PELI2: variants seen among roughly 807,000 people sequenced by gnomAD.
PELI2 encodes pellino E3 ubiquitin protein ligase family member 2, also known as E3 ubiquitin-protein ligase pellino homolog 2.
PELI2 carries 23 observed loss-of-function variants against 42.3 expected under a neutral mutation model. The ratio of observed to expected loss-of-function variants is 0.54; its 90% confidence interval spans 0.39 to 0.77. PELI2 has a LOEUF of 0.77. PELI2 is among the 30% of genes least tolerant of loss of function. The pLI is 0.00. For synonymous variants in PELI2, 245 were observed against 212.2 expected, an observed-to-expected ratio of 1.15 and a Z score of -1.34; for missense variants, 463 against 553.2, an observed-to-expected ratio of 0.84 and a Z score of 1.64.
At chr14:56,271,953 C>G (rs1889121194) in intron 2 of PELI2, among the ~76,000 whole-genome samples, 1 of 152,154 alleles carries the variant, frequency 6.6e-6, no homozygotes, top group Non-Finnish European at 1.5e-5. Flanking sequence ...AGTGGGCAGC[C>G]TCAGAGAAGA....
chr14:56,259,039 ATGGACC>A (rs1182807073), intron 2 of PELI2, among the ~76,000 whole-genome samples: 2 of 152,166 alleles, frequency 1.3e-5, no homozygotes, highest in African/African-American at 4.8e-5. Context: ...TCAGAAGACC[ATGGACC>A]AACATCTTTA....
At chr14:56,131,684 C>CT (rs1223997419) in intron 1 of PELI2, among the ~76,000 whole-genome samples, 1 of 152,208 alleles carries the variant, frequency 6.6e-6, no homozygotes, top group Non-Finnish European at 1.5e-5. Context: ...GCACAGCTCA[C>CT]TTTTTCCCCA....
Position 56,290,294 on chromosome 14 carries a change from C to A in PELI2, c.534C>A (p.Pro178=), listed in dbSNP as rs146968853. 3.1e-6 allele frequency: 5 copies of A among 1,599,074 alleles called. No individual in the cohort carries two copies. In the East Asian group the frequency reaches 9.0e-5, roughly 29 times the overall value. ...AAAAGGCAGCAAAGTGGAAAAACCC[C>A]GACGGCCACATGGATGGGCTCACTA... ...LGEKAAKWKN[P]DGHMDGLTTN... Residue 178 remains proline (P), a synonymous_variant, in exon 5 of 6, where the codon CCC becomes CCA. Transcript: ENST00000267460.
chr14:56,300,249 G>A lies in PELI2; in HGVS notation c.*3083G>A, dbSNP rs1890134201. The A allele has an allele frequency of 6.6e-6, 1 of 152,606 alleles. No homozygotes were observed. Among genetic ancestry groups the A allele is most frequent in the East Asian group, 1.9e-4 (1 of 5,200 alleles). 9.5% of individuals were successfully genotyped at this position (152,606 alleles called of 1,614,324 possible). On this transcript the variant is annotated 3_prime_UTR_variant, in exon 6 of 6. Transcript: ENST00000267460. The stretch of plus-strand genomic sequence containing the variant: ...TTTCAGGGTTAGGGTTTAAAGAAAG[G>A]AGAAAGCCATTGGAAAAATGATGGG...
At chr14:56,265,515 T>C (rs1594697655) in intron 2 of PELI2, among the ~76,000 whole-genome samples, 1 of 152,056 alleles carries the variant, frequency 6.6e-6, no homozygotes, top group Admixed American at 6.5e-5. Flanking sequence ...AGAGAAAACA[T>C]AGAAGAAAAA....
chr14:56,139,975 C>A (rs1883841966), intron 1 of PELI2, among the ~76,000 whole-genome samples: 1 of 113,596 alleles, frequency 8.8e-6, no homozygotes, highest in African/African-American at 3.4e-5. Flanking sequence ...TTCTGGCTTT[C>A]ATCAGAAATG....
At chr14:56,264,897 T>C (rs1566672887) in intron 2 of PELI2, among the ~76,000 whole-genome samples, 3 of 152,134 alleles carry the variant, frequency 2.0e-5, no homozygotes, top group Admixed American at 6.6e-5. Context: ...AGAATATAAC[T>C]GTGAATGATG....
chr14:56,223,994 T>C (rs1887250165), intron 2 of PELI2, among the ~76,000 whole-genome samples: 1 of 152,206 alleles, frequency 6.6e-6, no homozygotes, highest in Admixed American at 6.5e-5. Flanking sequence ...TGAGAGCAAA[T>C]GACTTCATAG....
At chr14:56,128,544 T>C (rs142980052) in intron 1 of PELI2, among the ~76,000 whole-genome samples, 3 of 152,254 alleles carry the variant, frequency 2.0e-5, no homozygotes, top group Non-Finnish European at 4.4e-5. Context: ...GCTGGGAGAT[T>C]GGGAAAGATT....
intron 2 of PELI2, among the ~76,000 whole-genome samples, chr14:56,270,806 G>C (rs1482799998): frequency 2.0e-5 from 3 of 152,168 alleles, no homozygotes; most frequent in Admixed American, 1.3e-4. Context: ...AGAGGTTATG[G>C]TTGGTGAGTA....
chr14:56,153,560 A>G (rs898694906), intron 1 of PELI2, among the ~76,000 whole-genome samples: 1 of 152,204 alleles, frequency 6.6e-6, no homozygotes, highest in African/African-American at 2.4e-5. Context: ...CTAGAAACCA[A>G]TTTTGTATGC....
Position 56,290,312 on chromosome 14 carries a change from G to C in PELI2, c.552G>C (p.Gly184=), listed in dbSNP as rs1403625944. ...AAAACCCCGACGGCCACATGGATGG[G>C]CTCACTACTAATGGCGTCCTGGTGA... The part of the protein sequence containing the change: ...KWKNPDGHMD[G]LTTNGVLVMH... Residue 184 remains glycine (G), a synonymous_variant, in exon 5 of 6, where the codon GGG becomes GGC. Transcript: ENST00000267460. The C allele has an allele frequency of 6.2e-6, 10 of 1,611,034 alleles. No individual in the cohort carries two copies.
intron 1 of PELI2, among the ~76,000 whole-genome samples, chr14:56,161,982 T>C (rs1467369918): frequency 6.6e-6 from 1 of 152,160 alleles, no homozygotes; most frequent in African/African-American, 2.4e-5. Context: ...TTTTCCTTTT[T>C]AAAAAAATTT....
At chr14:56,153,625 A>G (rs1226784381) in intron 1 of PELI2, among the ~76,000 whole-genome samples, 1 of 152,246 alleles carries the variant, frequency 6.6e-6, no homozygotes, top group Non-Finnish European at 1.5e-5. Context: ...TAAAAGAATT[A>G]AATATATCCA....
chr14:56,165,866 CTT>C (rs1884941083), intron 1 of PELI2, among the ~76,000 whole-genome samples: 1 of 152,034 alleles, frequency 6.6e-6, no homozygotes, highest in African/African-American at 2.4e-5. Context: ...GCTGGAATAA[CTT>C]TTTCTATCCC....
At position 56,298,352 on chromosome 14, in the gene PELI2, A is replaced by T. The variant is rs1309677838; in HGVS notation, c.*1186A>T. On this transcript the variant is annotated 3_prime_UTR_variant, in exon 6 of 6. Coordinates refer to ENST00000267460, the MANE Select transcript of PELI2 (RefSeq NM_021255.3). ...AAATGAGTGTTGCTGAGGAATAATTAAATGAGAATTTCATAGGAGCTCCAC... is the reference window on the plus strand; with the variant it reads ...AAATGAGTGTTGCTGAGGAATAATTTAATGAGAATTTCATAGGAGCTCCAC... 6.6e-6 allele frequency: 1 copy of T among 152,464 alleles called. No homozygotes were observed. The highest frequency in any genetic ancestry group is 2.4e-5 in the African/African-American group (1 of 41,450). The allele number at this position is 152,464 out of a possible 1,614,324, so 9.4% of individuals were successfully genotyped here.
chr14:56,140,502 C>T (rs2139602461), intron 1 of PELI2, among the ~76,000 whole-genome samples: 1 of 152,206 alleles, frequency 6.6e-6, no homozygotes, highest in African/African-American at 2.4e-5. Flanking sequence ...TTAAGCAAAC[C>T]TTTGAAAACA....
intron 2 of PELI2, among the ~76,000 whole-genome samples, chr14:56,247,250 A>G (rs1888196534): frequency 6.6e-6 from 1 of 152,214 alleles, no homozygotes; most frequent in Non-Finnish European, 1.5e-5. Flanking sequence ...TGCTTAAACT[A>G]CTTTTATCAC....
At chr14:56,237,194 A>C (rs1169807044) in intron 2 of PELI2, among the ~76,000 whole-genome samples, 1 of 152,130 alleles carries the variant, frequency 6.6e-6, no homozygotes, top group Non-Finnish European at 1.5e-5. Flanking sequence ...ATACATTTTT[A>C]GTTTTCAGTA....
Sources: gnomAD v4.1 joint callset for allele counts (sites outside exome capture counted in the v4.1 genomes callset) on GRCh38, gnomAD v4.1.1 for gene constraint, MANE v1.5 for transcripts, NCBI Gene and HGNC (gene_info 2026-07-23, HGNC 2026-07-21) for gene names.